The following ATP9B variants were observed in gnomAD, a reference collection of about 807,000 sequenced individuals.
The protein encoded by ATP9B is ATPase phospholipid transporting 9B.
ATP9B carries 110 observed loss-of-function variants against 146.1 expected under a neutral mutation model. The observed-to-expected ratio is 0.75, with a 90% CI of 0.65 to 0.88. The LOEUF is 0.88. ATP9B is among the 40% of genes least tolerant of loss of function. ATP9B has a pLI of 0.00. For missense variants in ATP9B, 1,499 were observed against 1,496.4 expected, an observed-to-expected ratio of 1.00 and a Z score of -0.03; for synonymous variants, 604 against 569.7, an observed-to-expected ratio of 1.06 and a Z score of -0.86.
chr18:79,189,992 G>A (rs1054205317), intron 8 of ATP9B, among the ~76,000 whole-genome samples: 1 of 152,194 alleles, frequency 6.6e-6, no homozygotes, highest in African/African-American at 2.4e-5. Flanking sequence ...TCACACAGAG[G>A]TCAGTGGTGC....
intron 16 of ATP9B, among the ~76,000 whole-genome samples, chr18:79,329,577 G>A (rs1442316039): frequency 6.6e-5 from 10 of 151,996 alleles, no homozygotes; most frequent in African/African-American, 2.4e-4. Flanking sequence ...AACTAAAGCT[G>A]TTTTGATTTC....
chr18:79,355,000 C>A (rs1394559294), intron 25 of ATP9B, among the ~76,000 whole-genome samples: 8 of 152,218 alleles, frequency 5.3e-5, no homozygotes, highest in Admixed American at 5.2e-4. Context: ...AGTGCCACTT[C>A]ACGAGATGCA....
chr18:79,129,003 G>A (rs1320085013), intron 5 of ATP9B, among the ~76,000 whole-genome samples: 5 of 152,170 alleles, frequency 3.3e-5, no homozygotes, highest in Admixed American at 1.3e-4. Flanking sequence ...TTCCCAGTTT[G>A]CAGCTTATTC....
At chr18:79,229,200 T>C (rs578196911) in intron 11 of ATP9B, among the ~76,000 whole-genome samples, 28 of 152,302 alleles carry the variant, frequency 1.8e-4, no homozygotes, top group African/African-American at 6.0e-4. Flanking sequence ...TGTAGAATTA[T>C]GTAATTACTA....
At chr18:79,254,327 C>G (rs962424283) in intron 12 of ATP9B, 2 of 152,210 alleles carry the variant, frequency 1.3e-5, no homozygotes, top group Non-Finnish European at 2.9e-5. Flanking sequence ...AAAATTTGCT[C>G]TAAAAGGTGA....
At chr18:79,157,715 T>C (rs1050393589) in intron 7 of ATP9B, among the ~76,000 whole-genome samples, 5 of 152,216 alleles carry the variant, frequency 3.3e-5, no homozygotes, top group African/African-American at 9.6e-5. Context: ...GTTTTGGTAG[T>C]TTGTGTCTTT....
chr18:79,096,539 C>T lies in ATP9B; in HGVS notation c.183C>T (p.Gly61=). 6.2e-7 allele frequency: 1 copy of T among 1,613,918 alleles called. No homozygotes were observed. The highest frequency in any genetic ancestry group is 8.5e-7 in the Non-Finnish European group (1 of 1,179,902). ...TGCCACTAATGATGTCTGAAGAAGG[C>T]TTTGAGAATGAGGAAAGTGATTACC... ...DEMPLMMSEE[G]FENEESDYHT... is the part of the protein sequence containing the mutation. Residue 61 remains glycine (G), a synonymous_variant, in exon 2 of 30, where the codon GGC becomes GGT. Transcript: ENST00000426216.
chr18:79,166,426 C>T lies in ATP9B; in HGVS notation c.779-10387C>T, dbSNP rs138274843. 6.0e-3 allele frequency among the ~76,000 whole-genome samples: 912 copies of T among 152,302 alleles called. 9 individuals are homozygous for T. Among genetic ancestry groups the T allele is most frequent in the Admixed American group, 0.015 (234 of 15,302 alleles). ...ACTGACCCAAGGGGCTTACCTACAA[C>T]CTCTGAGCTGGCCAAATGATGCATG... On this transcript the variant is annotated intron_variant, in intron 7 of 29. Coordinates refer to ENST00000426216, the MANE Select transcript of ATP9B (RefSeq NM_198531.5).
intron 2 of ATP9B, among the ~76,000 whole-genome samples, chr18:79,106,430 T>C (rs1450823658): frequency 1.3e-5 from 2 of 152,192 alleles, no homozygotes; most frequent in East Asian, 1.9e-4. Context: ...TCCTTGGGGC[T>C]CATGCCTTTT....
chr18:79,104,353 T>G (rs1402427007), intron 2 of ATP9B, among the ~76,000 whole-genome samples: 1 of 152,134 alleles, frequency 6.6e-6, no homozygotes, highest in East Asian at 1.9e-4. Context: ...GGTGCAGTGC[T>G]GGGGACATGG....
chr18:79,296,781 C>A (rs2146304009), intron 13 of ATP9B, among the ~76,000 whole-genome samples: 1 of 152,282 alleles, frequency 6.6e-6, no homozygotes, highest in Non-Finnish European at 1.5e-5. Flanking sequence ...GAGTCAGGTT[C>A]TGGGGATAGA....
chr18:79,168,210 A>G (rs1219887567), intron 7 of ATP9B, among the ~76,000 whole-genome samples: 1 of 152,130 alleles, frequency 6.6e-6, no homozygotes, highest in African/African-American at 2.4e-5. Flanking sequence ...AGAAAAATAG[A>G]AGGAGACTTG....
intron 11 of ATP9B, among the ~76,000 whole-genome samples, chr18:79,249,420 A>G (rs1390916200): frequency 1.3e-5 from 2 of 152,248 alleles, no homozygotes; most frequent in Non-Finnish European, 2.9e-5. Flanking sequence ...TGACAAGTAG[A>G]AGAAAATTTG....
chr18:79,343,830 C>G (rs1221788343), intron 20 of ATP9B: 1 of 255,524 alleles, frequency 3.9e-6, no homozygotes, highest in Non-Finnish European at 7.5e-6. Flanking sequence ...CTACCCTGGC[C>G]TGTTGCTCTG....
At chr18:79,307,517 C>T in intron 15 of ATP9B, 1 of 387,246 alleles carries the variant, frequency 2.6e-6, no homozygotes, top group Non-Finnish European at 4.7e-6. Context: ...GCGAGGTTTA[C>T]TGATTCCGTA....
chr18:79,102,585 C>G (rs1599559499), intron 2 of ATP9B, among the ~76,000 whole-genome samples: 1 of 152,102 alleles, frequency 6.6e-6, no homozygotes, highest in Admixed American at 6.6e-5. Flanking sequence ...ATTCTTCTTA[C>G]TTTTTTCAGA....
chr18:79,071,259 TTAAG>T (rs1251536228), intron 1 of ATP9B, among the ~76,000 whole-genome samples: 2 of 151,866 alleles, frequency 1.3e-5, no homozygotes, highest in Non-Finnish European at 2.9e-5. Flanking sequence ...GGTCCTCACT[TTAAG>T]TATCATGTCC....
chr18:79,322,241 G>A (rs566445741), intron 15 of ATP9B, among the ~76,000 whole-genome samples: 2 of 152,316 alleles, frequency 1.3e-5, no homozygotes, highest in East Asian at 1.9e-4. Flanking sequence ...TTCAAGCCCC[G>A]TGGGTGACAC....
chr18:79,076,322 T>C (rs982773422), intron 1 of ATP9B, among the ~76,000 whole-genome samples: 1 of 152,226 alleles, frequency 6.6e-6, no homozygotes, highest in Admixed American at 6.5e-5. Flanking sequence ...TCTCTAACTA[T>C]TCTTTTAGGG....
Sources: allele counts gnomAD v4.1 joint callset (sites outside exome capture counted in the v4.1 genomes callset), GRCh38; gene constraint gnomAD v4.1.1; transcripts MANE v1.5; gene names NCBI Gene and HGNC (gene_info 2026-07-23, HGNC 2026-07-21).